The following PTPRT variants were observed in gnomAD, a reference collection of about 807,000 sequenced individuals.
PTPRT encodes protein tyrosine phosphatase receptor type T.
Under a neutral mutation model 176.8 loss-of-function variants are expected in PTPRT, and 56 were observed. That is an observed-to-expected ratio of 0.32 (90% confidence interval 0.26 to 0.40). The LOEUF (loss-of-function observed/expected upper bound fraction) is 0.40, where lower values mean the gene tolerates loss of function less well. Among genes scored for constraint, PTPRT ranks in the 10% least tolerant of loss-of-function variants. The pLI, the probability that PTPRT is intolerant of heterozygous loss-of-function variation, is 1.00. For synonymous variants in PTPRT, 783 were observed against 739.0 expected, an observed-to-expected ratio of 1.06 and a Z score of -0.96; for missense variants, 1,540 against 1,908.2, an observed-to-expected ratio of 0.81 and a Z score of 3.60.
intron 12 of PTPRT, among the ~76,000 whole-genome samples, chr20:42,284,679 A>G (rs1030401351): frequency 3.3e-5 from 5 of 152,054 alleles, no homozygotes; most frequent in African/African-American, 1.2e-4. Context: ...TACTCTGTCT[A>G]TTGCATTTCT....
In PTPRT at chr20:42,848,736, C is replaced by T. The variant is rs569849554; in HGVS notation, c.214+37071G>A. ...GGTCCTTTGTTGGATGTATAGATGG[C>T]AAAATTTCTCTCCCATTTTGTGGAC... On this transcript the variant is annotated intron_variant, in intron 2 of 30. Transcript: ENST00000373187. Among the ~76,000 whole-genome samples the T allele has an allele frequency of 1.2e-4, 18 of 152,208 alleles. No homozygotes were observed. In the South Asian group the frequency reaches 3.7e-3, roughly 32 times the overall value.
At chr20:42,237,829 G>A (rs1212831044) in intron 14 of PTPRT, among the ~76,000 whole-genome samples, 2 of 152,178 alleles carry the variant, frequency 1.3e-5, no homozygotes, top group Non-Finnish European at 2.9e-5. Flanking sequence ...GAGAAAAATG[G>A]CTAGATAATT....
intron 6 of PTPRT, among the ~76,000 whole-genome samples, chr20:42,724,244 A>G (rs755474652): frequency 1.3e-5 from 2 of 152,156 alleles, no homozygotes; most frequent in Non-Finnish European, 2.9e-5. Flanking sequence ...TTACATAACA[A>G]TGAAAATGCA....
chr20:42,700,123 T>A (rs1200497874), intron 6 of PTPRT, among the ~76,000 whole-genome samples: 1 of 152,164 alleles, frequency 6.6e-6, no homozygotes, highest in African/African-American at 2.4e-5. Context: ...TTTCTTGACA[T>A]AGCACTCGAC....
rs1416524210 is a variant in PTPRT at position 42,559,451 on chromosome 20, C to A, written c.1154-86889G>T. 2.0e-5 allele frequency among the ~76,000 whole-genome samples: 3 copies of A among 152,088 alleles called. No individual in the cohort carries two copies. The East Asian group carries it at 5.8e-4, about 29-fold the overall frequency. On this transcript the variant is annotated intron_variant, in intron 7 of 30. Coordinates refer to ENST00000373187, the MANE Select transcript of PTPRT (RefSeq NM_007050.6). ...GCAAACCTGTTTTCTTGTCTCTATG[C>A]CATACTTTTGTTTTCCAAGAAGTTC...
chr20:42,323,503 C>G (rs1265279194), intron 11 of PTPRT, among the ~76,000 whole-genome samples: 1 of 151,900 alleles, frequency 6.6e-6, no homozygotes, highest in Admixed American at 6.6e-5. Context: ...AGCAAACTAT[C>G]GCAAGGACAA....
intron 7 of PTPRT, among the ~76,000 whole-genome samples, chr20:42,505,940 T>C (rs780222933): frequency 6.6e-6 from 1 of 152,180 alleles, no homozygotes; most frequent in Non-Finnish European, 1.5e-5. Flanking sequence ...CCACGAAAGG[T>C]TGAGCCAGAG....
chr20:42,343,005 T>C (rs2058134399), intron 11 of PTPRT, among the ~76,000 whole-genome samples: 1 of 152,186 alleles, frequency 6.6e-6, no homozygotes, highest in Non-Finnish European at 1.5e-5. Flanking sequence ...AGTATATATC[T>C]TGTTACACTG....
At chr20:42,749,051 G>A (rs1373079064) in intron 6 of PTPRT, among the ~76,000 whole-genome samples, 1 of 152,028 alleles carries the variant, frequency 6.6e-6, no homozygotes, top group Non-Finnish European at 1.5e-5. Flanking sequence ...CTTTTCCAAC[G>A]CAGTCTGTGC....
chr20:42,091,503 A>G (rs1984615044), intron 27 of PTPRT, among the ~76,000 whole-genome samples: 1 of 152,224 alleles, frequency 6.6e-6, no homozygotes, highest in East Asian at 1.9e-4. Flanking sequence ...TGGAAAGGCC[A>G]AGTAATATCA....
In PTPRT at chr20:42,857,888, C is replaced by T. The variant is rs192376530; in HGVS notation, c.214+27919G>A. Among the ~76,000 whole-genome samples, 3 of 152,310 alleles carry T rather than the reference C, an allele frequency of 2.0e-5. No individual in the cohort carries two copies. In the East Asian group the frequency reaches 5.8e-4, roughly 29 times the overall value. On this transcript the variant is annotated intron_variant, in intron 2 of 30. Transcript: ENST00000373187. ...CCTGTTTATGCGGGACCCCTATTCC[C>T]TCTACAATCCCAGGAATGACACCTG... is the stretch of plus-strand genomic sequence containing the variant.
chr20:42,732,236 C>T lies in PTPRT; in HGVS notation c.859+24226G>A, dbSNP rs1474221113. Among the ~76,000 whole-genome samples, 3 of 152,202 alleles carry T rather than the reference C, an allele frequency of 2.0e-5. No homozygotes were observed. The East Asian group carries it at 5.8e-4, about 29-fold the overall frequency. ...TCAAGTGTTTGATAGCCATAAGTGG[C>T]TACTGAGCCAGAGATGCCAGACAGC... is the stretch of plus-strand genomic sequence containing the variant. On this transcript the variant is annotated intron_variant, in intron 6 of 30. Transcript: ENST00000373187.
chr20:42,606,799 T>C (rs2073885039), intron 7 of PTPRT: 1 of 152,186 alleles, frequency 6.6e-6, no homozygotes, highest in African/African-American at 2.4e-5. Context: ...CTGTCCAGCA[T>C]GGAGAAGCAT....
At chr20:42,461,593 T>C (rs995706711) in intron 8 of PTPRT, among the ~76,000 whole-genome samples, 1 of 152,078 alleles carries the variant, frequency 6.6e-6, no homozygotes, top group Admixed American at 6.5e-5. Flanking sequence ...AAGTGTGTGA[T>C]GAATTGGAAG....
intron 1 of PTPRT, among the ~76,000 whole-genome samples, chr20:43,186,858 C>T (rs77499888): frequency 0.02 from 3,109 of 152,298 alleles, 118 homozygotes; most frequent in African/African-American, 0.07. Context: ...CTAACAATTG[C>T]AATTGCAAGT....
chr20:42,303,793 T>C (rs551891109), intron 12 of PTPRT, among the ~76,000 whole-genome samples: 3 of 152,062 alleles, frequency 2.0e-5, no homozygotes, highest in Admixed American at 6.5e-5. Context: ...GAAAAGTGCA[T>C]GGATTAGAGA....
chr20:42,955,985 G>A (rs1437971068), intron 1 of PTPRT, among the ~76,000 whole-genome samples: 1 of 152,134 alleles, frequency 6.6e-6, no homozygotes, highest in Non-Finnish European at 1.5e-5. Context: ...TGGCCTTAGC[G>A]CATTCCCTTC....
At chr20:42,509,039 T>C (rs57721878) in intron 7 of PTPRT, among the ~76,000 whole-genome samples, 5 of 37,862 alleles carry the variant, frequency 1.3e-4, no homozygotes, top group East Asian at 1.6e-3. Flanking sequence ...AGATATAAAT[T>C]ATATAATTTA....
At chr20:42,943,757 G>C (rs976707281) in intron 1 of PTPRT, among the ~76,000 whole-genome samples, 1 of 152,132 alleles carries the variant, frequency 6.6e-6, no homozygotes, top group Non-Finnish European at 1.5e-5. Context: ...GCTCGCACCT[G>C]TAATCTCAGC....
Sources: allele counts gnomAD v4.1 joint callset (sites outside exome capture counted in the v4.1 genomes callset), GRCh38; gene constraint gnomAD v4.1.1; transcripts MANE v1.5; gene names NCBI Gene and HGNC (gene_info 2026-07-23, HGNC 2026-07-21).